KHDRBS2: variants seen among roughly 807,000 people sequenced by gnomAD.
KHDRBS2 encodes KH domain-containing, RNA-binding, signal transduction-associated protein 2.
Under a neutral mutation model 44.3 loss-of-function variants are expected in KHDRBS2, and 26 were observed. The observed-to-expected ratio is 0.59, with a 90% CI of 0.43 to 0.81. KHDRBS2 has a LOEUF of 0.81. KHDRBS2 is among the 40% of genes least tolerant of loss of function. KHDRBS2 has a pLI of 0.00. For missense variants in KHDRBS2, 476 were observed against 433.1 expected, an observed-to-expected ratio of 1.10 and a Z score of -0.88; for synonymous variants, 194 against 151.1, an observed-to-expected ratio of 1.28 and a Z score of -2.08.
rs960752045 is a variant in KHDRBS2, at chr6:62,011,525, T to C, written c.337-33313A>G. ...TAATAGTACTAGGACAATATTTGTC[T>C]CCTTTGAAAAACTAGTATGTTTTCT... is the stretch of plus-strand genomic sequence containing the variant. On this transcript the variant is annotated intron_variant, in intron 3 of 8. Transcript: ENST00000281156. Among the ~76,000 whole-genome samples, 11 of 152,306 alleles carry C rather than the reference T, an allele frequency of 7.2e-5. No homozygotes were observed. In the South Asian group the frequency reaches 8.3e-4, roughly 11 times the overall value.
At chr6:61,919,160 T>C (rs1807568382) in intron 4 of KHDRBS2, among the ~76,000 whole-genome samples, 1 of 151,922 alleles carries the variant, frequency 6.6e-6, no homozygotes, top group South Asian at 2.1e-4. Flanking sequence ...AACAAGACTG[T>C]ATGAAATTAG....
At position 62,174,506 on chromosome 6, in the gene KHDRBS2, A is replaced by G. The variant is rs73491194; in HGVS notation, c.219+2679T>C. ...CCAGGGCTAGATAAATCATTCTTAA[A>G]GAGCATTTTTATAATTTTTATAAAT... is the stretch of plus-strand genomic sequence containing the variant. On this transcript the variant is annotated intron_variant, in intron 2 of 8. Transcript: ENST00000281156. Among the ~76,000 whole-genome samples the G allele has an allele frequency of 2.2e-3, 332 of 151,930 alleles. 2 individuals carry two copies. Among genetic ancestry groups the G allele is most frequent in the African/African-American group, 7.4e-3 (309 of 41,554 alleles).
intron 2 of KHDRBS2, among the ~76,000 whole-genome samples, chr6:62,071,005 T>C (rs2127344861): frequency 6.6e-6 from 1 of 152,270 alleles, no homozygotes; most frequent in Admixed American, 6.5e-5. Flanking sequence ...GCACCTGTTG[T>C]TTCCTGAATT....
intron 5 of KHDRBS2, among the ~76,000 whole-genome samples, chr6:61,900,252 G>T (rs1803725045): frequency 6.6e-6 from 1 of 151,848 alleles, no homozygotes; most frequent in Non-Finnish European, 1.5e-5. Flanking sequence ...TGATTTAAGT[G>T]TTACAAACAG....
At chr6:61,691,971 C>T (rs1561975412) in intron 8 of KHDRBS2, among the ~76,000 whole-genome samples, 1 of 152,054 alleles carries the variant, frequency 6.6e-6, no homozygotes, top group Non-Finnish European at 1.5e-5. Flanking sequence ...TCTAAAATGC[C>T]ACTAAAGAAT....
intron 6 of KHDRBS2, among the ~76,000 whole-genome samples, chr6:61,770,590 T>C (rs1026519868): frequency 6.6e-6 from 1 of 152,120 alleles, no homozygotes; most frequent in African/African-American, 2.4e-5. Context: ...GTATCAGTGA[T>C]GGAAGACGAA....
chr6:61,816,550 C>T, intron 6 of KHDRBS2: 1 of 420,396 alleles, frequency 2.4e-6, no homozygotes, highest in Non-Finnish European at 4.8e-6. Context: ...ACCCTGCTGA[C>T]ATATTGGACT....
chr6:62,098,260 T>G (rs1801091961), intron 2 of KHDRBS2, among the ~76,000 whole-genome samples: 1 of 147,576 alleles, frequency 6.8e-6, no homozygotes, highest in African/African-American at 2.5e-5. Flanking sequence ...TTTTTTTTTT[T>G]TGTTACAAGT....
chr6:61,967,630 G>T (rs553838281), intron 4 of KHDRBS2, among the ~76,000 whole-genome samples: 63 of 151,958 alleles, frequency 4.1e-4, no homozygotes, highest in Middle Eastern at 6.8e-3. Flanking sequence ...AAGCAGAGTG[G>T]AGGTAAGCAA....
chr6:61,599,880 C>T, the KHDRBS2 span, among the ~76,000 whole-genome samples: 93,594 of 151,980 alleles, frequency 0.62, 29,046 homozygotes, highest in Non-Finnish European at 0.65. Context: ...GCCACTTGGT[C>T]ACAAGCCAAG....
rs867869994 is a variant in KHDRBS2 at position 61,920,305 on chromosome 6, A to G, written c.484-18934T>C. ...GGCCTAAATTTACATATCATAAAAT[A>G]GATCAATAATAGTAATAAGCAATAT... On this transcript the variant is annotated intron_variant, in intron 4 of 8. Coordinates refer to ENST00000281156, the MANE Select transcript of KHDRBS2 (RefSeq NM_152688.4). Among the ~76,000 whole-genome samples the G allele has an allele frequency of 2.0e-5, 3 of 152,072 alleles. No homozygotes were observed. In the Middle Eastern group the frequency reaches 0.01, roughly 517 times the overall value.
At chr6:62,128,909 CTTTG>C (rs1318416989) in intron 2 of KHDRBS2, among the ~76,000 whole-genome samples, 1 of 151,974 alleles carries the variant, frequency 6.6e-6, no homozygotes, top group East Asian at 1.9e-4. Context: ...ATTATAATTA[CTTTG>C]TTTTAGATAA....
intron 1 of KHDRBS2, among the ~76,000 whole-genome samples, chr6:62,246,102 T>TTA (rs150717074): frequency 0.13 from 15,910 of 123,454 alleles, 987 homozygotes; most frequent in Non-Finnish European, 0.15. Flanking sequence ...TCAATCAATT[T>TTA]TATATATATA....
At chr6:62,160,482 G>A (rs1817389133) in intron 2 of KHDRBS2, among the ~76,000 whole-genome samples, 1 of 152,180 alleles carries the variant, frequency 6.6e-6, no homozygotes, top group African/African-American at 2.4e-5. Context: ...AGGCAACTTA[G>A]AGATGGTAAT....
chr6:61,587,470 C>T, the KHDRBS2 span, among the ~76,000 whole-genome samples: 5 of 152,014 alleles, frequency 3.3e-5, no homozygotes, highest in Non-Finnish European at 7.4e-5. Flanking sequence ...GTAATACTAG[C>T]TTAGTATTGC....
At chr6:61,941,688 C>T (rs1812158815) in intron 4 of KHDRBS2, among the ~76,000 whole-genome samples, 2 of 152,040 alleles carry the variant, frequency 1.3e-5, no homozygotes, top group Non-Finnish European at 1.5e-5. Flanking sequence ...ACAGAGACTA[C>T]ATTACTGCAT....
At chr6:62,208,032 C>T (rs1828322217) in intron 1 of KHDRBS2, among the ~76,000 whole-genome samples, 1 of 152,070 alleles carries the variant, frequency 6.6e-6, no homozygotes, top group South Asian at 2.1e-4. Context: ...TGACCCACAT[C>T]TCCTCATTTT....
downstream of KHDRBS2, among the ~76,000 whole-genome samples, chr6:61,678,072 C>T (rs1360960784): frequency 6.7e-6 from 1 of 150,352 alleles, no homozygotes; most frequent in Non-Finnish European, 1.5e-5. Context: ...GGTTTAAAAC[C>T]CTGCTTTAAA....
the KHDRBS2 span, among the ~76,000 whole-genome samples, chr6:61,631,943 T>A: frequency 6.6e-6 from 1 of 152,140 alleles, no homozygotes; most frequent in Non-Finnish European, 1.5e-5. Flanking sequence ...GTTCAAAGAC[T>A]ATCTGTGAAA....
Sources: gnomAD v4.1 joint callset for allele counts (sites outside exome capture counted in the v4.1 genomes callset) on GRCh38, gnomAD v4.1.1 for gene constraint, MANE v1.5 for transcripts, NCBI Gene and HGNC (gene_info 2026-07-23, HGNC 2026-07-21) for gene names.